The following HGD variants were observed in gnomAD, a reference collection of about 807,000 sequenced individuals.
The protein encoded by HGD is homogentisate 1,2-dioxygenase.
In HGD, 61 loss-of-function variants were observed where a neutral mutation model predicts 60.8. That is an observed-to-expected ratio of 1.00 (90% CI 0.82 to 1.24). HGD has a LOEUF of 1.24. Ranked by LOEUF, HGD falls within the 50% of genes most tolerant of loss-of-function variation. The probability of loss-of-function intolerance (pLI) is 0.00; values close to 1 mark genes in which losing one functional copy is unlikely to be tolerated. For missense variants in HGD, 542 were observed against 547.1 expected (o/e 0.99, Z 0.09); for synonymous variants, 212 against 187.7 (o/e 1.13, Z -1.06).
At chr3:120,640,674 C>G (rs772354048) in intron 11 of HGD, among the ~76,000 whole-genome samples, 18 of 152,340 alleles carry the variant, frequency 1.2e-4, no homozygotes, top group South Asian at 2.1e-4. Context: ...ACTATTAAAG[C>G]AAAGGTAGTG....
At chr3:120,667,182 T>C (rs1055496100) in intron 4 of HGD, among the ~76,000 whole-genome samples, 1 of 151,654 alleles carries the variant, frequency 6.6e-6, no homozygotes, top group African/African-American at 2.4e-5. Flanking sequence ...AAAAATTAGC[T>C]GGCCATTGTG....
chr3:120,654,563 C>T (rs1315935372), intron 4 of HGD, among the ~76,000 whole-genome samples: 4 of 152,106 alleles, frequency 2.6e-5, no homozygotes, highest in Non-Finnish European at 4.4e-5. Context: ...TTGGGCCATA[C>T]GTGGCAGTGA....
chr3:120,669,441 G>A (rs933492660), intron 4 of HGD, among the ~76,000 whole-genome samples: 72 of 134,740 alleles, frequency 5.3e-4, no homozygotes, highest in South Asian at 1.4e-3. Flanking sequence ...GCTTATGTGC[G>A]CATGTGCACA....
At chr3:120,628,692 T>C (rs1940493673) in intron 13 of HGD, among the ~76,000 whole-genome samples, 163 bp from the exon 14 acceptor site, 1 of 152,230 alleles carries the variant, frequency 6.6e-6, no homozygotes, top group South Asian at 2.1e-4. Flanking sequence ...CCCTGAGTTG[T>C]GGCTCTGGTC....
At position 120,657,272 on chromosome 3, in the gene HGD, A is replaced by G. The variant is rs541285382; in HGVS notation, c.283-4621T>C. Among the ~76,000 whole-genome samples, 5 of 152,378 alleles carry G rather than the reference A, an allele frequency of 3.3e-5. No homozygotes were observed. In the East Asian group the frequency reaches 9.6e-4, roughly 29 times the overall value. On this transcript the variant is annotated intron_variant, in intron 4 of 13. Coordinates refer to ENST00000283871, the MANE Select transcript of HGD (RefSeq NM_000187.4). Reference sequence around the variant, plus strand: ...AAGTTAGAATTAAAAATTACTTAAGATTACCAAAGGAGGAAGACAGAATTG... The same window carrying G: ...AAGTTAGAATTAAAAATTACTTAAGGTTACCAAAGGAGGAAGACAGAATTG...
In HGD at chr3:120,670,550, C is replaced by G. The variant is rs1248906056; in HGVS notation, c.177-18G>C. The G allele has an allele frequency of 2.3e-6, 3 of 1,295,834 alleles. No homozygotes were observed. The highest frequency in any genetic ancestry group is 1.8e-4 in the Middle Eastern group (1 of 5,496). The allele number at this position is 1,295,834 out of a possible 1,614,324, so 80.3% of individuals were successfully genotyped here. On this transcript the variant is annotated intron_variant, in intron 3 of 13. Transcript: ENST00000283871. Reference sequence around the variant, plus strand: ...ACAGCCAGCTAGAGGGAAAAACATACAAGATATACAAGCCTTAGAGTAATG... The same window carrying G: ...ACAGCCAGCTAGAGGGAAAAACATAGAAGATATACAAGCCTTAGAGTAATG...
At chr3:120,641,444 C>G in intron 11 of HGD, 145 bp downstream of exon 11, 1 of 692,356 alleles carries the variant, frequency 1.4e-6, no homozygotes, top group South Asian at 1.6e-5. Flanking sequence ...GTTATTTACT[C>G]CCTCACCAAA....
chr3:120,655,358 C>T (rs17140347), intron 4 of HGD, among the ~76,000 whole-genome samples: 126,436 of 152,164 alleles, frequency 0.83, 53,743 homozygotes, highest in East Asian at 0.98. Flanking sequence ...GCCCACAATC[C>T]GGAAGAAGCA....
chr3:120,648,666 T>C (rs6777149), intron 6 of HGD, among the ~76,000 whole-genome samples: 4,643 of 152,294 alleles, frequency 0.03, 79 homozygotes, highest in Middle Eastern at 0.044. Context: ...CTGCTACTAA[T>C]GGGTGGTCCT....
At chr3:120,629,957 A>T (rs1304008548) in intron 13 of HGD, among the ~76,000 whole-genome samples, 1 of 152,194 alleles carries the variant, frequency 6.6e-6, no homozygotes, top group Admixed American at 6.5e-5. Context: ...TACAAAAATC[A>T]CTAGCATTCC....
chr3:120,678,033 G>A (rs1708165306), intron 1 of HGD: 1 of 152,180 alleles, frequency 6.6e-6, no homozygotes, highest in African/African-American at 2.4e-5. Context: ...TTATGACCTA[G>A]GAAGCAATGG....
rs1421053940 is a variant in HGD, at chr3:120,628,401, C to G, written c.1317G>C (p.Arg439Ser). The stretch of plus-strand genomic sequence containing the variant: ...AGTCTCAATTAGGTTCTGCTGGGTT[C>G]CTGGAGTTGGGAGTGAAGTGGCTCT... ...PLKSHFTPNS[R>S]NPAEPN Residue 439 changes from arginine to serine, a missense_variant, in exon 14 of 14, where the codon AGG (arginine) becomes AGC (serine). By Grantham distance (110) the Arg-to-Ser change is moderately radical. Around this residue, in one of 2 missense-constraint regions of HGD, gnomAD observed 5 missense variants for 18.0 expected, o/e 0.28. Coordinates refer to ENST00000283871, the MANE Select transcript of HGD (RefSeq NM_000187.4). 1 of 1,613,836 alleles carries G rather than the reference C, an allele frequency of 6.2e-7. No individual in the cohort carries two copies. Among genetic ancestry groups the G allele is most frequent in the Non-Finnish European group, 8.5e-7 (1 of 1,179,976 alleles).
intron 4 of HGD, among the ~76,000 whole-genome samples, chr3:120,660,125 C>T (rs953823977): frequency 6.6e-6 from 1 of 152,102 alleles, no homozygotes; most frequent in African/African-American, 2.4e-5. Flanking sequence ...CTTTGCCTTC[C>T]ACCATGATTG....
At chr3:120,644,807 C>T (rs192534392) in intron 9 of HGD, among the ~76,000 whole-genome samples, 2 of 152,260 alleles carry the variant, frequency 1.3e-5, no homozygotes, top group South Asian at 2.1e-4. Context: ...TTTGAAGGAA[C>T]CCTTGAATAT....
At chr3:120,629,463 C>T (rs956544494) in intron 13 of HGD, among the ~76,000 whole-genome samples, 1 of 152,160 alleles carries the variant, frequency 6.6e-6, no homozygotes, top group Admixed American at 6.5e-5. Flanking sequence ...AGTATCGCTG[C>T]CTGATTTCCT....
At chr3:120,661,339 AGGTCCTTCAG>A (rs1311251318) in intron 4 of HGD, among the ~76,000 whole-genome samples, 3 of 152,170 alleles carry the variant, frequency 2.0e-5, no homozygotes, top group Non-Finnish European at 4.4e-5. Context: ...AACCCTGCTT[AGGTCCTTCAG>A]GGTTAATGTT....
chr3:120,649,371 C>A (rs1199086838), intron 6 of HGD, among the ~76,000 whole-genome samples: 1 of 151,908 alleles, frequency 6.6e-6, no homozygotes, highest in Non-Finnish European at 1.5e-5. Flanking sequence ...TCTCGAGCTC[C>A]TGACCTCGTG....
intron 4 of HGD, among the ~76,000 whole-genome samples, chr3:120,669,400 A>G (rs1328109260): frequency 1.3e-5 from 2 of 151,700 alleles, no homozygotes; most frequent in African/African-American, 4.8e-5. Context: ...TCCTGTGTCC[A>G]TCTATATGCC....
intron 11 of HGD, among the ~76,000 whole-genome samples, 193 bp from the exon 12 acceptor site, chr3:120,638,774 G>A (rs1322072568): frequency 6.6e-6 from 1 of 152,170 alleles, no homozygotes; most frequent in East Asian, 1.9e-4. Context: ...TGATACTGAG[G>A]TTTGGGGTAG....
Sources: allele counts gnomAD v4.1 joint callset (sites outside exome capture counted in the v4.1 genomes callset), GRCh38; gene constraint gnomAD v4.1.1; regional missense constraint gnomAD v4.1.1; transcripts MANE v1.5; gene names NCBI Gene and HGNC (gene_info 2026-07-23, HGNC 2026-07-21).